Variants in XYLT1 observed in about 807,000 individuals in gnomAD.
The protein encoded by XYLT1 is beta-D-xylosyltransferase 1.
A neutral mutation model predicts 91.3 loss-of-function variants in XYLT1; 36 were observed. That is an observed-to-expected ratio of 0.39 (90% CI 0.30 to 0.52). XYLT1 has a LOEUF of 0.52. Ranked by LOEUF, XYLT1 falls within the 20% of genes least tolerant of loss-of-function variation. The pLI is 0.68. For synonymous variants in XYLT1, 588 were observed against 532.0 expected (o/e 1.11, Z -1.45); for missense variants, 1,242 against 1,284.5 (o/e 0.97, Z 0.51).
At chr16:17,116,074 T>C (rs961758803) in intron 11 of XYLT1, among the ~76,000 whole-genome samples, 8 of 152,062 alleles carry the variant, frequency 5.3e-5, no homozygotes, top group Non-Finnish European at 1.2e-4. Flanking sequence ...GTGTGTATTA[T>C]GTTTATGCTT....
intron 10 of XYLT1, among the ~76,000 whole-genome samples, chr16:17,123,513 T>G (rs947513211): frequency 2.0e-5 from 3 of 152,224 alleles, no homozygotes; most frequent in African/African-American, 7.2e-5. Context: ...ATTTCCAATT[T>G]TATTCCACTG....
At chr16:17,243,759 G>C (rs935726156) in intron 3 of XYLT1, among the ~76,000 whole-genome samples, 1 of 152,176 alleles carries the variant, frequency 6.6e-6, no homozygotes, top group Non-Finnish European at 1.5e-5. Flanking sequence ...GCTGGGGAGA[G>C]GGGTCTTCAG....
At chr16:17,324,894 T>C (rs1318671480) in intron 2 of XYLT1, among the ~76,000 whole-genome samples, 3 of 152,150 alleles carry the variant, frequency 2.0e-5, no homozygotes, top group South Asian at 2.1e-4. Flanking sequence ...AAAATACTCA[T>C]GAAAGTTATT....
chr16:17,341,441 T>C (rs1349438696), intron 2 of XYLT1, among the ~76,000 whole-genome samples: 1 of 152,170 alleles, frequency 6.6e-6, no homozygotes, highest in East Asian at 1.9e-4. Context: ...GAAAAGCAAG[T>C]TACCATAAAA....
At chr16:17,111,275 A>T (rs538187985) in intron 11 of XYLT1, among the ~76,000 whole-genome samples, 1 of 152,256 alleles carries the variant, frequency 6.6e-6, no homozygotes, top group South Asian at 2.1e-4. Flanking sequence ...ATCAGGAAGT[A>T]TAGCAATTTG....
intron 1 of XYLT1, among the ~76,000 whole-genome samples, chr16:17,417,835 GACCTCTTAGAATA>G (rs1410890403): frequency 1.3e-5 from 2 of 152,150 alleles, no homozygotes; most frequent in African/African-American, 4.8e-5. Context: ...GCTCCTGCTG[GACCTCTTAGAATA>G]TTTACTCTGG....
chr16:17,215,936 T>A (rs2032849385), intron 3 of XYLT1, among the ~76,000 whole-genome samples: 1 of 152,120 alleles, frequency 6.6e-6, no homozygotes, highest in Non-Finnish European at 1.5e-5. Context: ...TCAGGCTTGT[T>A]ATCCATGGTT....
At chr16:17,186,800 G>A (rs995931327) in intron 5 of XYLT1, among the ~76,000 whole-genome samples, 2 of 152,146 alleles carry the variant, frequency 1.3e-5, no homozygotes, top group Non-Finnish European at 2.9e-5. Flanking sequence ...GGCTCAGCCT[G>A]TCTTCTCCTG....
intron 1 of XYLT1, among the ~76,000 whole-genome samples, chr16:17,402,622 G>A (rs1427968194): frequency 2.6e-5 from 4 of 152,004 alleles, no homozygotes; most frequent in Non-Finnish European, 5.9e-5. Flanking sequence ...TCTCTCTCTT[G>A]TCTCCATGGC....
intron 5 of XYLT1, among the ~76,000 whole-genome samples, chr16:17,185,978 C>A (rs1390175474): frequency 6.6e-6 from 1 of 152,240 alleles, no homozygotes; most frequent in East Asian, 1.9e-4. Flanking sequence ...GCCTGGGTGA[C>A]AGAGTGAAGA....
chr16:17,166,611 G>C lies in XYLT1; in HGVS notation c.1290-7702C>G, dbSNP rs181209227. ...ACAGTAACCTCCACCTCCTGGGTTC[G>C]AGAGATTCTCCTGCTTCAGCCTCTT... On this transcript the variant is annotated intron_variant, in intron 5 of 11. Coordinates refer to ENST00000261381, the MANE Select transcript of XYLT1 (RefSeq NM_022166.4). 2.3e-4 allele frequency among the ~76,000 whole-genome samples: 35 copies of C among 151,854 alleles called. No homozygotes were observed. In the East Asian group the frequency reaches 4.3e-3, roughly 18 times the overall value.
At chr16:17,247,528 T>A (rs1423300034) in intron 3 of XYLT1, among the ~76,000 whole-genome samples, 1 of 152,180 alleles carries the variant, frequency 6.6e-6, no homozygotes, top group African/African-American at 2.4e-5. Flanking sequence ...GACCGATGGA[T>A]TAATGAAAGT....
At chr16:17,130,896 C>G (rs868509573) in intron 9 of XYLT1, among the ~76,000 whole-genome samples, 2 of 152,024 alleles carry the variant, frequency 1.3e-5, no homozygotes, top group African/African-American at 4.8e-5. Context: ...CCTTTTGTTT[C>G]CTGCTACCCT....
In XYLT1 at chr16:17,259,494, C is replaced by A; in HGVS notation, c.407G>T (p.Gly136Val). 5 of 1,605,364 alleles carry A rather than the reference C, an allele frequency of 3.1e-6. No individual in the cohort carries two copies. The highest frequency in any genetic ancestry group is 2.5e-6 in the Non-Finnish European group (3 of 1,176,976). ...CTCTTTCGGCCGATGAGAAAAGTAG[C>A]CATCCTGGAGAAGAGGGGAGAGAAA... Reference protein sequence around the residue: ...SPLITLETQDGYFSHRPKEKV... With the variant: ...SPLITLETQDVYFSHRPKEKV... Residue 136 changes from glycine to valine, a missense_variant, in exon 3 of 12, where the codon GGC becomes GTC. Gly to Val is a moderately radical substitution (Grantham distance 109). Coordinates refer to ENST00000261381, the MANE Select transcript of XYLT1 (RefSeq NM_022166.4).
chr16:17,283,141 G>A (rs2034082955), intron 2 of XYLT1, among the ~76,000 whole-genome samples: 1 of 152,226 alleles, frequency 6.6e-6, no homozygotes, highest in Admixed American at 6.5e-5. Context: ...CGCTTGGAAG[G>A]AAGAAGGAGC....
intron 1 of XYLT1, among the ~76,000 whole-genome samples, chr16:17,388,328 G>A (rs375556487): frequency 1.3e-5 from 2 of 152,180 alleles, no homozygotes; most frequent in East Asian, 3.9e-4. Flanking sequence ...ACGTAAAGTT[G>A]TAAGTCAAAC....
chr16:17,444,388 G>T (rs1196490434), intron 1 of XYLT1, among the ~76,000 whole-genome samples: 1 of 152,020 alleles, frequency 6.6e-6, no homozygotes, highest in Non-Finnish European at 1.5e-5. Flanking sequence ...TGTCACCCAG[G>T]TTGCAATGGT....
At chr16:17,173,270 C>T (rs1462449093) in intron 5 of XYLT1, among the ~76,000 whole-genome samples, 2 of 152,204 alleles carry the variant, frequency 1.3e-5, no homozygotes, top group Non-Finnish European at 2.9e-5. Flanking sequence ...GCCACACTAC[C>T]TCCACGTACT....
chr16:17,153,761 G>T (rs2031339704), intron 6 of XYLT1, among the ~76,000 whole-genome samples: 2 of 152,158 alleles, frequency 1.3e-5, no homozygotes, highest in East Asian at 1.9e-4. Context: ...CCCATGTCCT[G>T]GTGGCACATA....
Sources: gnomAD v4.1 joint callset for allele counts (sites outside exome capture counted in the v4.1 genomes callset) on GRCh38, gnomAD v4.1.1 for gene constraint, MANE v1.5 for transcripts, NCBI Gene and HGNC (gene_info 2026-07-23, HGNC 2026-07-21) for gene names.